MEAK7: variants seen among roughly 807,000 people sequenced by gnomAD.
MEAK7 encodes the protein MTOR-associated protein MEAK7.
Under a neutral mutation model 40.5 loss-of-function variants are expected in MEAK7, and 68 were observed. That is an observed-to-expected ratio of 1.68 (90% CI 1.38 to 2.06). The LOEUF is 2.06. Among genes scored for constraint, MEAK7 ranks in the 30% most tolerant of loss-of-function variants. The probability of loss-of-function intolerance (pLI) is 0.00; values close to 1 mark genes in which losing one functional copy is unlikely to be tolerated. For synonymous variants in MEAK7, 338 were observed against 231.9 expected (o/e 1.46, Z -4.16); for missense variants, 918 against 580.5 (o/e 1.58, Z -5.98).
chr16:84,502,185 A>G (rs1914556919), intron 1 of MEAK7, among the ~76,000 whole-genome samples: 2 of 151,052 alleles, frequency 1.3e-5, no homozygotes, highest in African/African-American at 4.9e-5. Context: ...TGGTGCTGAC[A>G]GCGCACATCA....
Position 84,476,554 on chromosome 16 carries a change from C to T in MEAK7, c.*3359G>A, listed in dbSNP as rs1031807957. 1.3e-5 allele frequency: 2 copies of T among 152,052 alleles called. No individual in the cohort carries two copies. The highest frequency in any genetic ancestry group is 1.9e-4 in the East Asian group (1 of 5,194). The allele number at this position is 152,052 out of a possible 1,614,324, so 9.4% of individuals were successfully genotyped here. ...ACCATCACAGCAAGGCACACATAAA[C>T]GATATTCATGACAATGATTAGCTGC... is the stretch of plus-strand genomic sequence containing the variant. On this transcript the variant is annotated 3_prime_UTR_variant, in exon 8 of 8. Transcript: ENST00000343629.
intron 1 of MEAK7, among the ~76,000 whole-genome samples, chr16:84,500,820 C>A (rs1256247394): frequency 4.6e-5 from 7 of 152,142 alleles, no homozygotes; most frequent in Admixed American, 4.6e-4. Flanking sequence ...CAAAACAAAG[C>A]AGACCCACCC....
intron 1 of MEAK7, among the ~76,000 whole-genome samples, chr16:84,500,381 G>A (rs1359448185): frequency 1.3e-5 from 2 of 152,180 alleles, no homozygotes; most frequent in Non-Finnish European, 2.9e-5. Flanking sequence ...GCCGCCAAGT[G>A]CTCTCCACTC....
At chr16:84,490,938 C>G (rs945103139) in intron 3 of MEAK7, among the ~76,000 whole-genome samples, 1 of 151,166 alleles carries the variant, frequency 6.6e-6, no homozygotes, top group Non-Finnish European at 1.5e-5. Flanking sequence ...TTTACAGAAC[C>G]CCAAAGTTAT....
chr16:84,504,145 G>A, intron 1 of MEAK7: 13 of 985,590 alleles, frequency 1.3e-5, no homozygotes, highest in Non-Finnish European at 1.6e-5. Flanking sequence ...TCAGCTCACT[G>A]TCCTGGAAAA....
In MEAK7 at chr16:84,498,067, C is replaced by A. The variant is rs772813039; in HGVS notation, c.20G>T (p.Arg7Leu). ...CTGTGAACAAAAGCTCCGCCCCACA[C>A]GGCTTCTGCTGTTCCCCATCTGTCC... The part of the protein sequence containing the change: MGNSRS[R>L]VGRSFCSQFL... The change falls in exon 2 of 8, where the codon CGT (arginine) becomes CTT (leucine). Residue 7 changes from arginine (R) to leucine (L), a missense_variant. By Grantham distance (102) the Arg-to-Leu change is moderately radical (BLOSUM62 -2). Transcript: ENST00000343629. 2 of 1,612,442 alleles carry A rather than the reference C, an allele frequency of 1.2e-6. No homozygotes were observed. Among genetic ancestry groups the A allele is most frequent in the African/African-American group, 1.3e-5 (1 of 74,870 alleles).
rs559443502 is a variant in MEAK7 at position 84,504,178 on chromosome 16, T to C, written c.-26+423A>G. The C allele has an allele frequency of 8.0e-5, 79 of 985,242 alleles. No homozygotes were observed. The African/African-American group carries it at 1.3e-3, about 16-fold the overall frequency. 61.0% of individuals were successfully genotyped at this position (985,242 alleles called of 1,614,324 possible). A position where few individuals can be genotyped will look rare whatever the true frequency, so the allele number is the denominator to read the frequency against. Reference sequence around the variant, plus strand: ...AAAGCCCAGATGGGTGTGGTCAGAATACAAGAAGGAAAACCCCCTCCACAC... The same window carrying C: ...AAAGCCCAGATGGGTGTGGTCAGAACACAAGAAGGAAAACCCCCTCCACAC... On this transcript the variant is annotated intron_variant, in intron 1 of 7. Coordinates refer to ENST00000343629, the MANE Select transcript of MEAK7 (RefSeq NM_020947.4).
At chr16:84,504,369 G>A (rs1382256667) in intron 1 of MEAK7, among the ~76,000 whole-genome samples, 1 of 152,144 alleles carries the variant, frequency 6.6e-6, no homozygotes, top group Non-Finnish European at 1.5e-5. Context: ...GGTGCAGGAT[G>A]ATTCTGATCC....
chr16:84,491,403 G>C (rs1913586597), intron 3 of MEAK7, among the ~76,000 whole-genome samples: 1 of 152,086 alleles, frequency 6.6e-6, no homozygotes, highest in Non-Finnish European at 1.5e-5. Context: ...ACCAGGTATG[G>C]TGACACACAC....
chr16:84,500,573 G>T (rs1914415020), intron 1 of MEAK7, among the ~76,000 whole-genome samples: 1 of 152,178 alleles, frequency 6.6e-6, no homozygotes, highest in African/African-American at 2.4e-5. Context: ...GGGGATGGGG[G>T]TGCACTTTAC....
intron 1 of MEAK7, among the ~76,000 whole-genome samples, chr16:84,500,433 C>T (rs1914402856): frequency 1.3e-5 from 2 of 152,228 alleles, no homozygotes; most frequent in Admixed American, 6.5e-5. Flanking sequence ...TCTATCCACA[C>T]CCCCACTAAA....
At position 84,476,930 on chromosome 16, in the gene MEAK7, T is replaced by G. The variant is rs1021712890; in HGVS notation, c.*2983A>C. The G allele has an allele frequency of 9.8e-5, 15 of 152,298 alleles. No homozygotes were observed. Among genetic ancestry groups the G allele is most frequent in the African/African-American group, 3.4e-4 (14 of 41,452 alleles). 9.4% of individuals were successfully genotyped at this position (152,298 alleles called of 1,614,324 possible). A position where few individuals can be genotyped will look rare whatever the true frequency, so the allele number is the denominator to read the frequency against. On this transcript the variant is annotated 3_prime_UTR_variant, in exon 8 of 8. Transcript: ENST00000343629. ...TTTTAAACATAGGGTCTTGCTGTGTTGCCCAGGCTGGAGTGCAGTGGCACA... is the reference window on the plus strand; with the variant it reads ...TTTTAAACATAGGGTCTTGCTGTGTGGCCCAGGCTGGAGTGCAGTGGCACA...
chr16:84,490,069 C>G (rs1389863859), intron 3 of MEAK7, among the ~76,000 whole-genome samples: 7 of 152,186 alleles, frequency 4.6e-5, no homozygotes. Context: ...ATGGTCTTCT[C>G]CTTACCATTA....
chr16:84,490,227 C>G (rs937566946), intron 3 of MEAK7, among the ~76,000 whole-genome samples: 14 of 151,326 alleles, frequency 9.3e-5, no homozygotes, highest in African/African-American at 3.4e-4. Context: ...AGGGAACGTT[C>G]CAAATTATAG....
At chr16:84,503,911 C>T (rs1047631556) in intron 1 of MEAK7, 30 of 984,594 alleles carry the variant, frequency 3.0e-5, no homozygotes, top group Admixed American at 6.1e-5. Context: ...CAACTCTCTA[C>T]TCCAAGGGCC....
chr16:84,492,860 G>A (rs532190283), intron 3 of MEAK7, among the ~76,000 whole-genome samples: 1 of 152,296 alleles, frequency 6.6e-6, no homozygotes, highest in South Asian at 2.1e-4. Context: ...GGCATTACAG[G>A]CGTCAGCCAC....
At chr16:84,480,503 G>C in intron 7 of MEAK7, 26 bp downstream of exon 7, 1 of 1,572,280 alleles carries the variant, frequency 6.4e-7, no homozygotes, top group East Asian at 2.3e-5. Context: ...GGGCCATCCT[G>C]GGATGCAGAG....
chr16:84,498,666 A>C (rs200146650), intron 1 of MEAK7, among the ~76,000 whole-genome samples: 1 of 152,258 alleles, frequency 6.6e-6, no homozygotes, highest in Non-Finnish European at 1.5e-5. Context: ...AAACACACCC[A>C]TAATTGTCAC....
At chr16:84,497,066 G>T in intron 2 of MEAK7, 1 of 159,088 alleles carries the variant, frequency 6.3e-6, no homozygotes, top group Non-Finnish European at 1.4e-5. Context: ...TTGTTTGTTT[G>T]TTTGAGACAG....
Sources: gnomAD v4.1 joint callset for allele counts (sites outside exome capture counted in the v4.1 genomes callset) on GRCh38, gnomAD v4.1.1 for gene constraint, MANE v1.5 for transcripts, NCBI Gene and HGNC (gene_info 2026-07-23, HGNC 2026-07-21) for gene names.